The following UNC5CL variants were observed in gnomAD, a reference collection of about 807,000 sequenced individuals.
The protein encoded by UNC5CL is UNC5C-like protein.
Under a neutral mutation model 54.1 loss-of-function variants are expected in UNC5CL, and 42 were observed. The observed-to-expected ratio is 0.78, with a 90% CI of 0.61 to 1.00. The LOEUF is 1.00. UNC5CL is among the 50% of genes least tolerant of loss of function. UNC5CL has a pLI of 0.00. For missense variants in UNC5CL, 619 were observed against 675.6 expected, an observed-to-expected ratio of 0.92 and a Z score of 0.93; for synonymous variants, 285 against 285.1, an observed-to-expected ratio of 1.00 and a Z score of 0.00.
intron 2 of UNC5CL, 43 bp from the exon 3 acceptor site, chr6:41,034,224 C>T (rs769445648): frequency 1.9e-6 from 3 of 1,557,546 alleles, no homozygotes; most frequent in East Asian, 2.3e-5. Flanking sequence ...GGTAGGCAGG[C>T]ACACCCCTGC....
intron 7 of UNC5CL, 73 bp from the exon 8 acceptor site, chr6:41,030,574 TA>T: frequency 6.2e-7 from 1 of 1,610,058 alleles, no homozygotes; most frequent in Non-Finnish European, 8.5e-7. Flanking sequence ...ATATGCACCC[TA>T]AATGCTGTAG....
Position 41,035,076 on chromosome 6 carries a change from C to A in UNC5CL, c.-2G>T, listed in dbSNP as rs568239466. ...GAATGAACTCTCCTGGGGGCACATT[C>A]GCCTGGTTACTCAATGCCGCTGGCT... On this transcript the variant is annotated 5_prime_UTR_variant, in exon 2 of 9. Coordinates refer to ENST00000244565, the MANE Select transcript of UNC5CL (RefSeq NM_173561.3). 1.2e-5 allele frequency: 19 copies of A among 1,552,622 alleles called. No homozygotes were observed. Among genetic ancestry groups the A allele is most frequent in the Non-Finnish European group, 1.6e-5 (18 of 1,145,508 alleles).
chr6:41,030,295 C>G (rs1581975045), intron 8 of UNC5CL, 93 bp downstream of exon 8: 1 of 1,230,244 alleles, frequency 8.1e-7, no homozygotes, highest in South Asian at 1.2e-5. Flanking sequence ...TTAAGTCACT[C>G]CCTTGCCTGT....
In UNC5CL at chr6:41,033,916, G is replaced by A. The variant is rs1422737679; in HGVS notation, c.651C>T (p.Ser217=). The A allele has an allele frequency of 6.2e-7, 1 of 1,613,844 alleles. No homozygotes were observed. The highest frequency in any genetic ancestry group is 8.5e-7 in the Non-Finnish European group (1 of 1,179,866). Residue 217 remains serine, a synonymous_variant, in exon 3 of 9, where the codon TCC becomes TCT. Transcript: ENST00000244565. Reference sequence around the variant, plus strand: ...AGAGGTGGATGCGACACTCATCCCGGGAGGCGTGGGCCCCCGGCCGCCCCA... The same window carrying A: ...AGAGGTGGATGCGACACTCATCCCGAGAGGCGTGGGCCCCCGGCCGCCCCA... The part of the protein sequence containing the change: ...RPLGRPGAHA[S]RDECRIHLSH...
chr6:41,038,195 G>A (rs1440188531), intron 1 of UNC5CL, among the ~76,000 whole-genome samples: 1 of 152,132 alleles, frequency 6.6e-6, no homozygotes, highest in Non-Finnish European at 1.5e-5. Context: ...CAAAAATGAA[G>A]TAAAGACAAA....
At chr6:41,033,344 T>C (rs1330131390) in intron 3 of UNC5CL, among the ~76,000 whole-genome samples, 198 bp from the exon 4 acceptor site, 1 of 151,638 alleles carries the variant, frequency 6.6e-6, no homozygotes, top group Non-Finnish European at 1.5e-5. Flanking sequence ...GGTGACTGAA[T>C]GGGGAGGAGA....
Position 41,028,473 on chromosome 6 carries a change from G to A in UNC5CL, c.1457C>T (p.Ala486Val). 1.2e-6 allele frequency: 2 copies of A among 1,613,764 alleles called. No individual in the cohort carries two copies. The highest frequency in any genetic ancestry group is 1.7e-6 in the Non-Finnish European group (2 of 1,179,990). Residue 486 changes from alanine (A) to valine (V), a missense_variant, in exon 9 of 9, where the codon GCC becomes GTC. By Grantham distance (64) the Ala-to-Val change is moderately conservative. Coordinates refer to ENST00000244565, the MANE Select transcript of UNC5CL (RefSeq NM_173561.3). The surrounding 1 kb of genome is among the most constrained non-coding windows in gnomAD (Gnocchi z 4.3). Reference protein sequence around the residue: ...TVMERLDCASAIQNYLSGTHG... With the variant: ...TVMERLDCASVIQNYLSGTHG... ...TGTCCCACTCAGGTAGTTCTGGATG[G>A]CGGAGGCGCAGTCTAGCCGCTCCAT... is the stretch of plus-strand genomic sequence containing the variant.
chr6:41,035,807 G>C (rs1267945688), intron 1 of UNC5CL, among the ~76,000 whole-genome samples: 1 of 152,162 alleles, frequency 6.6e-6, no homozygotes, highest in Non-Finnish European at 1.5e-5. Context: ...ATGGAGAGGT[G>C]CTTTTGGTGC....
At position 41,028,519 on chromosome 6, in the gene UNC5CL, G is replaced by A. The variant is rs1561828496; in HGVS notation, c.1411C>T (p.Leu471=). The stretch of plus-strand genomic sequence containing the variant: ...TCCATGACGGTCATGAGGTAGTGCA[G>A]CTCCTGCAGGCTGCCGTTCTGCTCC... ...FEEQNGSLQE[L]HYLMTVMERL... The change falls in exon 9 of 9, where the codon CTG becomes TTG. Residue 471 remains leucine, a synonymous_variant. Transcript: ENST00000244565. The surrounding 1 kb of genome is among the most constrained non-coding windows in gnomAD (Gnocchi z 4.3). 6.2e-7 allele frequency: 1 copy of A among 1,613,822 alleles called. No individual in the cohort carries two copies. Among genetic ancestry groups the A allele is most frequent in the East Asian group, 2.2e-5 (1 of 44,862 alleles).
At chr6:41,037,608 A>G (rs540902160) in intron 1 of UNC5CL, among the ~76,000 whole-genome samples, 4 of 152,352 alleles carry the variant, frequency 2.6e-5, no homozygotes, top group African/African-American at 9.6e-5. Context: ...CTGGGGCAGT[A>G]CCTGTTTCTC....
At position 41,030,429 on chromosome 6, in the gene UNC5CL, G is replaced by A. The variant is rs1156839655; in HGVS notation, c.1293C>T (p.Arg431=). ...AAAGCCCCAGGTGGGAGGCCAGTCTGCGCCAGTCATTGCCGGTGATGCTGT... is the reference window on the plus strand; with the variant it reads ...AAAGCCCCAGGTGGGAGGCCAGTCTACGCCAGTCATTGCCGGTGATGCTGT... ...EPNSITGNDW[R]RLASHLGLCG... Residue 431 remains arginine, a synonymous_variant, in exon 8 of 9, where the codon CGC becomes CGT. Coordinates refer to ENST00000244565, the MANE Select transcript of UNC5CL (RefSeq NM_173561.3). 8.1e-6 allele frequency: 13 copies of A among 1,614,020 alleles called. No homozygotes were observed. The East Asian group carries it at 8.9e-5, about 11-fold the overall frequency.
chr6:41,032,831 C>A, intron 4 of UNC5CL, 53 bp downstream of exon 4: 1 of 1,514,312 alleles, frequency 6.6e-7, no homozygotes, highest in Non-Finnish European at 8.9e-7. Flanking sequence ...CAGAACCCTT[C>A]ATTCCTGTGG....
rs773577044 is a variant in UNC5CL, at chr6:41,035,109, AC to A, written c.-36del. ...TACTCAATGCCGCTGGCTCTCCTTC[AC>A]CCCTGTGCCAGCCAAAGCCAAAGGC... On this transcript the variant is annotated 5_prime_UTR_variant, in exon 2 of 9. Coordinates refer to ENST00000244565, the MANE Select transcript of UNC5CL (RefSeq NM_173561.3). 51 of 1,522,286 alleles carry A rather than the reference AC, an allele frequency of 3.4e-5. No individual in the cohort carries two copies. The African/African-American group carries it at 6.6e-4, about 20-fold the overall frequency. 94.3% of individuals were successfully genotyped at this position (1,522,286 alleles called of 1,614,324 possible).
Position 41,031,768 on chromosome 6 carries a change from G to C in UNC5CL, c.1052-20C>G. ...CATCGGCTATAAAGAGAAGGTGACA[G>C]CGTGGCCAGTGAGTGAGGAAACGGC... On this transcript the variant is annotated intron_variant, in intron 5 of 8. Transcript: ENST00000244565. 6.2e-7 allele frequency: 1 copy of C among 1,613,970 alleles called. No individual in the cohort carries two copies. Among genetic ancestry groups the C allele is most frequent in the Non-Finnish European group, 8.5e-7 (1 of 1,179,834 alleles).
In UNC5CL at chr6:41,033,139, T is replaced by TC. The variant is rs751602515; in HGVS notation, c.693_694insG (p.Thr232AspfsTer73). 5.0e-6 allele frequency: 8 copies of TC among 1,612,592 alleles called. No homozygotes were observed. The highest frequency in any genetic ancestry group is 6.8e-6 in the Non-Finnish European group (8 of 1,179,566). On this transcript the variant is annotated frameshift_variant, in exon 4 of 9. Coordinates refer to ENST00000244565, the MANE Select transcript of UNC5CL (RefSeq NM_173561.3). LOFTEE classifies it high-confidence loss of function. Reference sequence around the variant, plus strand: ...CCCACAGGTGCCTCCAGCACACAGGTGTAGAGGCTGCAGAGGGAGCCAGTG... The same window carrying TC: ...CCCACAGGTGCCTCCAGCACACAGGTCGTAGAGGCTGCAGAGGGAGCCAGTG...
chr6:41,034,159 C>T lies in UNC5CL; in HGVS notation c.408G>A (p.Gln136=). ...IPPGAVAVGR[Q]ERVSLILVWD... ...ACACCAGGATCAAAGACACCCGCTC[C>T]TGGCGGCCCACAGCCACAGCACCTG... Residue 136 remains glutamine, a synonymous_variant, in exon 3 of 9, where the codon CAG becomes CAA. Coordinates refer to ENST00000244565, the MANE Select transcript of UNC5CL (RefSeq NM_173561.3). 5 of 1,609,222 alleles carry T rather than the reference C, an allele frequency of 3.1e-6. No individual in the cohort carries two copies. Among genetic ancestry groups the T allele is most frequent in the Non-Finnish European group, 4.2e-6 (5 of 1,176,910 alleles).
chr6:41,033,702 T>C (rs1762482988), intron 3 of UNC5CL, 179 bp downstream of exon 3: 1 of 669,660 alleles, frequency 1.5e-6, no homozygotes, highest in African/African-American at 1.8e-5. Flanking sequence ...ATGATTGATG[T>C]GAGAAAAACT....
chr6:41,031,561 A>T, intron 6 of UNC5CL, 120 bp downstream of exon 6: 1 of 987,302 alleles, frequency 1.0e-6, no homozygotes, highest in South Asian at 1.3e-5. Context: ...GGCTCTATGG[A>T]AAGTGCCATC....
intron 1 of UNC5CL, among the ~76,000 whole-genome samples, chr6:41,035,341 C>T (rs1291959324): frequency 6.6e-6 from 1 of 152,204 alleles, no homozygotes; most frequent in Non-Finnish European, 1.5e-5. Flanking sequence ...TGTTCTGAAG[C>T]AGAGTGAGCT....
Sources: allele counts gnomAD v4.1 joint callset (sites outside exome capture counted in the v4.1 genomes callset), GRCh38; gene constraint gnomAD v4.1.1; non-coding constraint Gnocchi (gnomAD v3.1); transcripts MANE v1.5; gene names NCBI Gene and HGNC (gene_info 2026-07-23, HGNC 2026-07-21).